ARFGEF3: variants seen among roughly 807,000 people sequenced by gnomAD.
The protein encoded by ARFGEF3 is ARFGEF family member 3.
Under a neutral mutation model 221.7 loss-of-function variants are expected in ARFGEF3, and 96 were observed. The ratio of observed to expected loss-of-function variants is 0.43; its 90% CI spans 0.37 to 0.51. ARFGEF3 has a LOEUF of 0.51. Among genes scored for constraint, ARFGEF3 ranks in the 20% least tolerant of loss-of-function variants. ARFGEF3 has a pLI of 0.00. For synonymous variants in ARFGEF3, 1,145 were observed against 1,126.8 expected (o/e 1.02, Z -0.32); for missense variants, 2,410 against 2,789.9 (o/e 0.86, Z 3.07).
intron 2 of ARFGEF3, among the ~76,000 whole-genome samples, chr6:138,204,842 A>T (rs1343884750): frequency 1.3e-5 from 2 of 152,126 alleles, no homozygotes; most frequent in African/African-American, 4.8e-5. Flanking sequence ...TCTACTAAAC[A>T]CTCATATCTT....
chr6:138,322,528 A>T (rs2114681935), intron 29 of ARFGEF3, among the ~76,000 whole-genome samples: 1 of 148,476 alleles, frequency 6.7e-6, no homozygotes, highest in East Asian at 1.9e-4. Flanking sequence ...ATTCAGCCAT[A>T]AAAAATAATG....
intron 25 of ARFGEF3, among the ~76,000 whole-genome samples, 195 bp downstream of exon 25, chr6:138,311,705 A>G (rs752880889): frequency 6.6e-6 from 1 of 152,214 alleles, no homozygotes; most frequent in African/African-American, 2.4e-5. Flanking sequence ...AAAACATACT[A>G]GAACCCACAA....
intron 8 of ARFGEF3, among the ~76,000 whole-genome samples, chr6:138,252,623 C>G (rs1249659473): frequency 6.6e-6 from 1 of 152,194 alleles, no homozygotes; most frequent in Non-Finnish European, 1.5e-5. Context: ...CTTCCACCCC[C>G]TTCTCCTGGG....
At chr6:138,294,253 C>T in intron 20 of ARFGEF3, 127 bp downstream of exon 20, 2 of 998,346 alleles carry the variant, frequency 2.0e-6, no homozygotes, top group Middle Eastern at 3.1e-4. Flanking sequence ...ACAAGCTAAG[C>T]CCAAGTATAG....
At chr6:138,324,901 C>T (rs1488506885) in intron 31 of ARFGEF3, among the ~76,000 whole-genome samples, 1 of 152,256 alleles carries the variant, frequency 6.6e-6, no homozygotes, top group African/African-American at 2.4e-5. Context: ...CTGGACGTGA[C>T]TCTCAGCAGC....
intron 24 of ARFGEF3, among the ~76,000 whole-genome samples, chr6:138,310,946 T>C (rs551909558): frequency 1.3e-5 from 2 of 152,220 alleles, no homozygotes; most frequent in Non-Finnish European, 2.9e-5. Context: ...CTTTTCCAAA[T>C]GGAGAGAGAG....
intron 22 of ARFGEF3, among the ~76,000 whole-genome samples, chr6:138,301,343 G>A (rs1779625842): frequency 6.6e-6 from 1 of 152,238 alleles, no homozygotes; most frequent in Admixed American, 6.5e-5. Context: ...TGACTTCCTT[G>A]ACAAAGACTG....
intron 5 of ARFGEF3, among the ~76,000 whole-genome samples, chr6:138,237,321 T>A (rs1041153076): frequency 6.6e-6 from 1 of 152,206 alleles, no homozygotes; most frequent in African/African-American, 2.4e-5. Context: ...AAAAATAATT[T>A]AGGAAATTAA....
At chr6:138,252,619 C>T (rs192669871) in intron 8 of ARFGEF3, among the ~76,000 whole-genome samples, 52 of 152,292 alleles carry the variant, frequency 3.4e-4, no homozygotes, top group African/African-American at 1.0e-3. Flanking sequence ...GTTCCTTCCA[C>T]CCCCTTCTCC....
At chr6:138,207,417 G>T (rs1777644040) in intron 3 of ARFGEF3, among the ~76,000 whole-genome samples, 1 of 151,810 alleles carries the variant, frequency 6.6e-6, no homozygotes, top group Non-Finnish European at 1.5e-5. Flanking sequence ...GGAGAGTAAG[G>T]GATCCCAAAA....
At chr6:138,273,733 A>G (rs919624634) in intron 12 of ARFGEF3, among the ~76,000 whole-genome samples, 2 of 152,178 alleles carry the variant, frequency 1.3e-5, no homozygotes, top group African/African-American at 4.8e-5. Context: ...CTGGTAAACA[A>G]TAGGGCAGGA....
At chr6:138,293,955 T>G (rs763032757) in intron 19 of ARFGEF3, 38 bp from the exon 20 acceptor site, 1 of 1,600,170 alleles carries the variant, frequency 6.2e-7, no homozygotes, top group Non-Finnish European at 8.5e-7. Context: ...CTTGCTGAAT[T>G]GTTTCCAAAG....
chr6:138,319,803 C>G lies in ARFGEF3; in HGVS notation c.4575C>G (p.Ala1525=), dbSNP rs1203711151. 2.5e-6 allele frequency: 4 copies of G among 1,614,012 alleles called. No homozygotes were observed. Among genetic ancestry groups the G allele is most frequent in the Non-Finnish European group, 3.4e-6 (4 of 1,179,878 alleles). Residue 1525 remains alanine (A), a synonymous_variant, in exon 28 of 34, where the codon GCC becomes GCG. Coordinates refer to ENST00000251691, the MANE Select transcript of ARFGEF3 (RefSeq NM_020340.5). ...AAGACCATTCCTACTGGGATATGGCCTCTGCCAATTTCAAGCACGCTATTG... is the reference window on the plus strand; with the variant it reads ...AAGACCATTCCTACTGGGATATGGCGTCTGCCAATTTCAAGCACGCTATTG... ...SHKDHSYWDM[A]SANFKHAIGL...
At chr6:138,298,526 G>C in intron 21 of ARFGEF3, 80 bp from the exon 22 acceptor site, 1 of 1,100,570 alleles carries the variant, frequency 9.1e-7, no homozygotes, top group Non-Finnish European at 1.3e-6. Flanking sequence ...CTTGTAATGA[G>C]GTGGGGTAGG....
chr6:138,266,125 A>T (rs547294364), intron 12 of ARFGEF3, among the ~76,000 whole-genome samples: 1 of 152,122 alleles, frequency 6.6e-6, no homozygotes, highest in East Asian at 1.9e-4. Flanking sequence ...AGGCGGGGGG[A>T]TCACTTGGGC....
intron 6 of ARFGEF3, 130 bp from the exon 7 acceptor site, chr6:138,242,822 G>A: frequency 1.4e-6 from 1 of 692,950 alleles, no homozygotes; most frequent in Admixed American, 2.2e-5. Context: ...GTAGGGGTGG[G>A]CTCAGGCAAG....
intron 1 of ARFGEF3, among the ~76,000 whole-genome samples, chr6:138,166,540 G>A (rs1313524702): frequency 6.6e-6 from 1 of 152,200 alleles, no homozygotes; most frequent in African/African-American, 2.4e-5. Context: ...TTTATTTAGT[G>A]TTATCTGGTT....
In ARFGEF3 at chr6:138,280,025, C is replaced by G. The variant is rs752015750; in HGVS notation, c.2322C>G (p.Thr774=). ...AGGACTTCATGAAGCAGGTGCAGAC[C>G]AGCGGCGTGCTGATGGTCTTCTCTC... ...VMKDFMKQVQ[T]SGVLMVFSQA... Residue 774 remains threonine (T), a synonymous_variant, in exon 14 of 34, where the codon ACC becomes ACG. Coordinates refer to ENST00000251691, the MANE Select transcript of ARFGEF3 (RefSeq NM_020340.5). 6.2e-7 allele frequency: 1 copy of G among 1,613,924 alleles called. No homozygotes were observed. The highest frequency in any genetic ancestry group is 8.5e-7 in the Non-Finnish European group (1 of 1,179,856).
chr6:138,319,740 CCTT>C lies in ARFGEF3; in HGVS notation c.4514_4516del (p.Leu1505del). 6.2e-7 allele frequency: 1 copy of C among 1,613,070 alleles called. No homozygotes were observed. Among genetic ancestry groups the C allele is most frequent in the Non-Finnish European group, 8.5e-7 (1 of 1,179,630 alleles). On this transcript the variant is annotated inframe_deletion, in exon 28 of 34. Transcript: ENST00000251691. Reference sequence around the variant, plus strand: ...GTATCTATGCAGTGGTTCACCTCCTCCTTCCTGTGATGTCCGTTTGGCTCCGCC... The same window carrying C: ...GTATCTATGCAGTGGTTCACCTCCTCCCTGTGATGTCCGTTTGGCTCCGCC...
Sources: allele counts gnomAD v4.1 joint callset (sites outside exome capture counted in the v4.1 genomes callset), GRCh38; gene constraint gnomAD v4.1.1; transcripts MANE v1.5; gene names NCBI Gene and HGNC (gene_info 2026-07-23, HGNC 2026-07-21).